The following CTNNA2 variants were observed in gnomAD, a reference collection of about 807,000 sequenced individuals.
The protein encoded by CTNNA2 is catenin alpha-2.
CTNNA2 carries 42 observed loss-of-function variants against 101.0 expected under a neutral mutation model. That is an observed-to-expected ratio of 0.42 (90% confidence interval 0.32 to 0.54). The LOEUF is 0.54. Ranked by LOEUF, CTNNA2 falls within the 20% of genes least tolerant of loss-of-function variation. The pLI, the probability that CTNNA2 is intolerant of heterozygous loss-of-function variation, is 0.14. For synonymous variants in CTNNA2, 450 were observed against 456.4 expected (o/e 0.99, Z 0.18); for missense variants, 871 against 1,223.1 (o/e 0.71, Z 4.29).
intron 1 of CTNNA2, among the ~76,000 whole-genome samples, chr2:79,583,956 T>C (rs1479203539): frequency 6.6e-6 from 1 of 152,174 alleles, no homozygotes; most frequent in African/African-American, 2.4e-5. Context: ...AAACTGGAAA[T>C]ACGCTTGTAA....
intron 7 of CTNNA2, among the ~76,000 whole-genome samples, chr2:79,930,310 AAGAAAGAAAG>A (rs2104417518): frequency 1.2e-5 from 1 of 86,228 alleles, no homozygotes; most frequent in Admixed American, 1.1e-4. Context: ...GAAAGAAAGA[AAGAAAGAAAG>A]AAAGAAAGAA....
At chr2:80,639,435 C>T (rs540366698) in intron 18 of CTNNA2, among the ~76,000 whole-genome samples, 1 of 152,072 alleles carries the variant, frequency 6.6e-6, no homozygotes, top group South Asian at 2.1e-4. Context: ...GTCTCGATCT[C>T]CTGACCTCAA....
intron 1 of CTNNA2, among the ~76,000 whole-genome samples, chr2:79,520,952 C>T (rs1672071028): frequency 6.6e-6 from 1 of 151,630 alleles, no homozygotes; most frequent in African/African-American, 2.4e-5. Context: ...GATCCAGAAA[C>T]TCCACTCCCA....
In CTNNA2 at chr2:79,753,537, C is replaced by T. The variant is rs1320603787; in HGVS notation, c.298+8955C>T. Among the ~76,000 whole-genome samples the T allele has an allele frequency of 3.9e-5, 6 of 152,138 alleles. No homozygotes were observed. The South Asian group carries it at 6.2e-4, about 16-fold the overall frequency. ...GTTGCTTATGTTTCCTGCCTTCGTT[C>T]GACAACAGCATTTTCACATTGCCCA... On this transcript the variant is annotated intron_variant, in intron 3 of 18. Coordinates refer to ENST00000402739, the MANE Select transcript of CTNNA2 (RefSeq NM_001282597.3).
rs181764001 is a variant in CTNNA2, at chr2:80,097,050, T to A, written c.1056+187253T>A. Among the ~76,000 whole-genome samples, 343 of 152,356 alleles carry A rather than the reference T, an allele frequency of 2.3e-3. 1 individual carries two copies. The highest frequency in any genetic ancestry group is 3.8e-3 in the Non-Finnish European group (257 of 68,036). ...ATGTGTGAATTTGATCCTGTCATTA[T>A]GATGTCAGCAGGTTATTTTGCTCGT... On this transcript the variant is annotated intron_variant, in intron 7 of 18. Transcript: ENST00000402739.
At chr2:80,546,829 G>A (rs1259223748) in intron 11 of CTNNA2, among the ~76,000 whole-genome samples, 1 of 152,144 alleles carries the variant, frequency 6.6e-6, no homozygotes, top group African/African-American at 2.4e-5. Flanking sequence ...AAGAATCTCT[G>A]TGAGGAGGAG....
chr2:79,320,795 TA>T (rs895917400), intron 3 of CTNNA2, among the ~76,000 whole-genome samples: 1 of 152,108 alleles, frequency 6.6e-6, no homozygotes, highest in Non-Finnish European at 1.5e-5. Context: ...GACGAATCCA[TA>T]AGAACAGGAA....
intron 9 of CTNNA2, among the ~76,000 whole-genome samples, chr2:80,477,938 G>A (rs1423893499): frequency 2.0e-5 from 3 of 152,020 alleles, no homozygotes; most frequent in Non-Finnish European, 4.4e-5. Context: ...TTGAATAGTA[G>A]ATCTACTTTT....
intron 7 of CTNNA2, among the ~76,000 whole-genome samples, chr2:80,253,935 G>C (rs1338183070): frequency 6.6e-6 from 1 of 152,150 alleles, no homozygotes; most frequent in African/African-American, 2.4e-5. Flanking sequence ...GGAAGGTAGA[G>C]CATATAAATA....
intron 7 of CTNNA2, among the ~76,000 whole-genome samples, chr2:80,080,601 G>C (rs1021899936): frequency 4.6e-5 from 7 of 152,162 alleles, no homozygotes; most frequent in African/African-American, 1.7e-4. Flanking sequence ...TCCATAAAGT[G>C]TGGTTGAGAC....
At chr2:79,917,140 C>T (rs770509370) in intron 7 of CTNNA2, among the ~76,000 whole-genome samples, 2 of 151,718 alleles carry the variant, frequency 1.3e-5, no homozygotes, top group African/African-American at 4.8e-5. Context: ...GGTGCGATCT[C>T]GGCTCACTGC....
chr2:79,826,922 G>A (rs72916643), intron 3 of CTNNA2, among the ~76,000 whole-genome samples: 3,466 of 152,294 alleles, frequency 0.023, 163 homozygotes, highest in African/African-American at 0.079. Flanking sequence ...AACTGGCTTC[G>A]GAGACACTGG....
chr2:80,007,207 G>A (rs1693433912), intron 7 of CTNNA2, among the ~76,000 whole-genome samples: 3 of 151,966 alleles, frequency 2.0e-5, no homozygotes, highest in African/African-American at 7.2e-5. Context: ...TAGCTTACAG[G>A]ATTACCGAGA....
chr2:80,474,971 T>A (rs1007947942), intron 9 of CTNNA2, among the ~76,000 whole-genome samples: 3 of 152,098 alleles, frequency 2.0e-5, no homozygotes, highest in Admixed American at 1.3e-4. Context: ...ACCAAAAAAA[T>A]TATCTCACAG....
At chr2:79,961,413 T>C (rs1689617067) in intron 7 of CTNNA2, among the ~76,000 whole-genome samples, 2 of 152,126 alleles carry the variant, frequency 1.3e-5, no homozygotes, top group African/African-American at 2.4e-5. Flanking sequence ...TCAAGTACAA[T>C]AGAGAGCCAG....
At chr2:79,390,894 T>C (rs1678164558) in intron 4 of CTNNA2, among the ~76,000 whole-genome samples, 1 of 152,058 alleles carries the variant, frequency 6.6e-6, no homozygotes, top group Non-Finnish European at 1.5e-5. Context: ...AACGAATAAA[T>C]GAAAGAATGT....
chr2:80,623,049 A>T (rs935004731), intron 18 of CTNNA2, among the ~76,000 whole-genome samples: 11 of 36,222 alleles, frequency 3.0e-4, no homozygotes, highest in African/African-American at 1.1e-3. Context: ...GCTAGTTTCT[A>T]AAAAAAAAAA....
chr2:79,557,263 G>A (rs994005285), intron 1 of CTNNA2, among the ~76,000 whole-genome samples: 1 of 151,908 alleles, frequency 6.6e-6, no homozygotes, highest in African/African-American at 2.4e-5. Flanking sequence ...AGGGCCTAAG[G>A]TGGCCCTCTT....
rs181981716 is a variant in CTNNA2 at position 79,844,643 on chromosome 2, G to A, written c.299-13370G>A. On this transcript the variant is annotated intron_variant, in intron 3 of 18. Transcript: ENST00000402739. ...CCTCTTGGCCTCAGAAATCCTGTTA[G>A]AAGTAAAATGGGGCCCAACAGAGAG... 5.6e-3 allele frequency among the ~76,000 whole-genome samples: 851 copies of A among 152,234 alleles called. 7 individuals are homozygous for A. Among genetic ancestry groups the A allele is most frequent in the African/African-American group, 0.019 (798 of 41,546 alleles).
Sources: gnomAD v4.1 joint callset for allele counts (sites outside exome capture counted in the v4.1 genomes callset) on GRCh38, gnomAD v4.1.1 for gene constraint, MANE v1.5 for transcripts, NCBI Gene and HGNC (gene_info 2026-07-23, HGNC 2026-07-21) for gene names.